Variants in NHEJ1 observed in about 807,000 individuals in gnomAD.
The protein encoded by NHEJ1 is non-homologous end-joining factor 1.
In NHEJ1, 22 loss-of-function variants were observed where a neutral mutation model predicts 39.4. The observed-to-expected ratio is 0.56, with a 90% CI of 0.40 to 0.80. NHEJ1 has a LOEUF of 0.80. Ranked by LOEUF, NHEJ1 falls within the 30% of genes least tolerant of loss-of-function variation. The pLI is 0.00. For synonymous variants in NHEJ1, 154 were observed against 135.6 expected (o/e 1.14, Z -0.94); for missense variants, 329 against 357.1 (o/e 0.92, Z 0.63).
chr2:219,121,830 A>T (rs534524352), intron 5 of NHEJ1, among the ~76,000 whole-genome samples: 3 of 152,276 alleles, frequency 2.0e-5, no homozygotes, highest in Non-Finnish European at 2.9e-5. Flanking sequence ...AAAAAAAAAA[A>T]AAATTAAATT....
intron 5 of NHEJ1, among the ~76,000 whole-genome samples, chr2:219,145,857 G>A (rs1209745338): frequency 5.3e-5 from 8 of 151,638 alleles, no homozygotes; most frequent in African/African-American, 1.2e-4. Context: ...GCTTGAACCC[G>A]GGAGGCGGAG....
At chr2:219,108,131 G>T (rs1949330938) in intron 5 of NHEJ1, among the ~76,000 whole-genome samples, 1 of 152,122 alleles carries the variant, frequency 6.6e-6, no homozygotes. Context: ...GGAACAAGAA[G>T]AAAATCTAGC....
intron 5 of NHEJ1, among the ~76,000 whole-genome samples, chr2:219,096,453 C>T (rs1949209405): frequency 6.6e-6 from 1 of 152,084 alleles, no homozygotes; most frequent in Admixed American, 6.6e-5. Context: ...CAAAAGTCAA[C>T]AGAACATACA....
chr2:219,078,003 G>T, intron 6 of NHEJ1, 86 bp downstream of exon 6: 3 of 916,064 alleles, frequency 3.3e-6, no homozygotes, highest in South Asian at 1.3e-5. Flanking sequence ...ATAGTTATAT[G>T]TGGCTAGAAA....
intron 4 of NHEJ1, among the ~76,000 whole-genome samples, chr2:219,147,024 T>C (rs753924222): frequency 4.6e-5 from 7 of 152,240 alleles, no homozygotes; most frequent in Non-Finnish European, 7.3e-5. Flanking sequence ...GTTGGAGCCA[T>C]GAAGCTTCCT....
At chr2:219,099,629 G>T (rs1949237959) in intron 5 of NHEJ1, among the ~76,000 whole-genome samples, 1 of 152,122 alleles carries the variant, frequency 6.6e-6, no homozygotes, top group Admixed American at 6.6e-5. Flanking sequence ...TAAAGAAGAG[G>T]GAGGAGACAT....
In NHEJ1 at chr2:219,085,085, G is replaced by A. The variant is rs148901739; in HGVS notation, c.589-6879C>T. Among the ~76,000 whole-genome samples the A allele has an allele frequency of 6.1e-3, 926 of 152,214 alleles. 33 individuals carry two copies. Among genetic ancestry groups the A allele is most frequent in the Admixed American group, 0.051 (773 of 15,284 alleles). On this transcript the variant is annotated intron_variant, in intron 5 of 7. Coordinates refer to ENST00000356853, the MANE Select transcript of NHEJ1 (RefSeq NM_024782.3). ...AATATACACTCAATAAGGGCTATCT[G>A]GAAAACACAAAAATATGACCTGCAG...
rs3832108 is a variant in NHEJ1, at chr2:219,160,330, CA to C, written c.-1+389del. Among the ~76,000 whole-genome samples the C allele has an allele frequency of 5.5e-4, 84 of 152,322 alleles. No homozygotes were observed. The East Asian group carries it at 0.015, about 27-fold the overall frequency. On this transcript the variant is annotated intron_variant, in intron 1 of 7. Transcript: ENST00000356853. ...ACAGCGCGAACCCTAGGTCCCACCA[CA>C]ACCATAGCCCCACCCCAGGAGCCGC...
At chr2:219,149,926 C>A (rs2106363660) in intron 3 of NHEJ1, among the ~76,000 whole-genome samples, 1 of 152,304 alleles carries the variant, frequency 6.6e-6, no homozygotes, top group East Asian at 1.9e-4. Flanking sequence ...AGGCAGCAAG[C>A]CAGAATTGGC....
intron 5 of NHEJ1, among the ~76,000 whole-genome samples, chr2:219,099,721 A>G (rs116444067): frequency 0.019 from 2,943 of 151,328 alleles, 108 homozygotes; most frequent in African/African-American, 0.068. Context: ...GAAAGAAGAA[A>G]CAGCCACCGT....
Position 219,111,581 on chromosome 2 carries a change from G to A in NHEJ1, c.589-33375C>T, listed in dbSNP as rs904485264. Among the ~76,000 whole-genome samples the A allele has an allele frequency of 3.3e-5, 5 of 151,558 alleles. No individual in the cohort carries two copies. Among genetic ancestry groups the A allele is most frequent in the Admixed American group, 6.6e-5 (1 of 15,202 alleles). Reference sequence around the variant, plus strand: ...CATGAGACAGTGTGGCCAAGCCAGTGGGCTGCAGGTTCTGAAGACCAGAAT... The same window carrying A: ...CATGAGACAGTGTGGCCAAGCCAGTAGGCTGCAGGTTCTGAAGACCAGAAT... On this transcript the variant is annotated intron_variant, in intron 5 of 7. Transcript: ENST00000356853. This position sits in a 1 kb window ranked among gnomAD's most constrained non-coding sequence, Gnocchi z 4.1.
rs1046785459 is a variant in NHEJ1, at chr2:219,072,617, A to G, written c.*3764T>C. On this transcript the variant is annotated 3_prime_UTR_variant, in exon 8 of 8. Transcript: ENST00000356853. ...ATTTTCTGAGTTAGGGTTAAAACTG[A>G]CCCTGTTCTCAAAGAGTATAACCTA... Among the ~76,000 whole-genome samples, 2 of 148,124 alleles carry G rather than the reference A, an allele frequency of 1.4e-5. No homozygotes were observed. Among genetic ancestry groups the G allele is most frequent in the Non-Finnish European group, 2.9e-5 (2 of 68,008 alleles).
intron 5 of NHEJ1, among the ~76,000 whole-genome samples, chr2:219,119,913 T>C (rs1045941318): frequency 1.3e-5 from 2 of 152,192 alleles, no homozygotes; most frequent in Admixed American, 1.3e-4. Context: ...GTCTGGCCGA[T>C]TTGAGAAAGA....
Position 219,146,719 on chromosome 2 carries a change from T to A in NHEJ1, c.549A>T (p.Pro183=). ...GTTCCAAGAAGGAATTTTCTTCAAATGGTTCTGTCTTCAATCGATCTGTAA... is the reference window on the plus strand; with the variant it reads ...GTTCCAAGAAGGAATTTTCTTCAAAAGGTTCTGTCTTCAATCGATCTGTAA... ...TLIRDRLKTE[P]FEENSFLEQF... is the part of the protein sequence containing the mutation. The change falls in exon 5 of 8, where the codon CCA becomes CCT. Residue 183 remains proline (P), a synonymous_variant. Transcript: ENST00000356853. The A allele has an allele frequency of 6.2e-7, 1 of 1,611,398 alleles. No homozygotes were observed. The highest frequency in any genetic ancestry group is 8.5e-7 in the Non-Finnish European group (1 of 1,177,494).
At chr2:219,134,105 C>T (rs563632420) in intron 5 of NHEJ1, among the ~76,000 whole-genome samples, 1 of 152,324 alleles carries the variant, frequency 6.6e-6, no homozygotes, top group African/African-American at 2.4e-5. Context: ...ATCCATTGAT[C>T]GTTCTTTAAC....
intron 5 of NHEJ1, among the ~76,000 whole-genome samples, chr2:219,143,017 T>C (rs983962492): frequency 6.6e-6 from 1 of 152,202 alleles, no homozygotes; most frequent in African/African-American, 2.4e-5. Flanking sequence ...CCTAGCCACC[T>C]GCCTGGCCTA....
chr2:219,128,511 C>T (rs977483135), intron 5 of NHEJ1, among the ~76,000 whole-genome samples: 8 of 152,088 alleles, frequency 5.3e-5, no homozygotes, highest in African/African-American at 1.9e-4. Flanking sequence ...GGATGAGGAA[C>T]AGGAAGCTGC....
At chr2:219,160,311 C>A (rs1949919867) in intron 1 of NHEJ1, among the ~76,000 whole-genome samples, 2 of 152,122 alleles carry the variant, frequency 1.3e-5, no homozygotes, top group Non-Finnish European at 2.9e-5. Flanking sequence ...TGGGACAGCG[C>A]GAACCCTAGG....
intron 5 of NHEJ1, among the ~76,000 whole-genome samples, chr2:219,132,530 TAA>T (rs1949588477): frequency 6.6e-6 from 1 of 152,192 alleles, no homozygotes. Context: ...TAAAAGATTC[TAA>T]GAGAGCAATC....
Sources: gnomAD v4.1 joint callset for allele counts (sites outside exome capture counted in the v4.1 genomes callset) on GRCh38, gnomAD v4.1.1 for gene constraint, Gnocchi (gnomAD v3.1) non-coding constraint, MANE v1.5 for transcripts, NCBI Gene and HGNC (gene_info 2026-07-23, HGNC 2026-07-21) for gene names.